DHRS12: variants seen among roughly 807,000 people sequenced by gnomAD.
The protein encoded by DHRS12 is dehydrogenase/reductase SDR family member 12.
A neutral mutation model predicts 32.1 loss-of-function variants in DHRS12; 29 were observed. The ratio of observed to expected loss-of-function variants is 0.90; its 90% confidence interval spans 0.67 to 1.23. The LOEUF (loss-of-function observed/expected upper bound fraction) is 1.23. Ranked by LOEUF, DHRS12 falls within the 50% of genes most tolerant of loss-of-function variation. The pLI, the probability that DHRS12 is intolerant of heterozygous loss-of-function variation, is 0.00. For synonymous variants in DHRS12, 150 were observed against 135.9 expected, an observed-to-expected ratio of 1.10 and a Z score of -0.72; for missense variants, 330 against 337.2, an observed-to-expected ratio of 0.98 and a Z score of 0.17.
chr13:51,797,836 C>T (rs1955577385), intron 2 of DHRS12: 7 of 1,535,354 alleles, frequency 4.6e-6, no homozygotes, highest in Non-Finnish European at 6.1e-6. Flanking sequence ...CTGGTTACCG[C>T]TCTCCCGGAT....
the DHRS12 span, chr13:51,759,922 GA>G: frequency 2.8e-6 from 2 of 725,580 alleles, no homozygotes; most frequent in South Asian, 4.1e-5. Context: ...GCACAGTGGG[GA>G]CCTGGCCAGT....
At chr13:51,769,028 A>G in intron 8 of DHRS12, 128 bp downstream of exon 8, 6 of 1,455,954 alleles carry the variant, frequency 4.1e-6, no homozygotes, top group Non-Finnish European at 5.4e-6. Context: ...CATCTCGCCA[A>G]AGAAGCCCAG....
rs1051985092 is a variant in DHRS12, at chr13:51,802,543, T to G, written c.-9+1511A>C. Among the ~76,000 whole-genome samples the G allele has an allele frequency of 2.0e-5, 3 of 152,214 alleles. No individual in the cohort carries two copies. In the East Asian group the frequency reaches 5.8e-4, roughly 29 times the overall value. The stretch of plus-strand genomic sequence containing the variant: ...AAATTTGCTTAGGACCCATCCACAC[T>G]TGCCCAGGGTTTAGGAGTCTGTTTA... On this transcript the variant is annotated intron_variant, in intron 1 of 8. Coordinates refer to ENST00000444610, the MANE Select transcript of DHRS12 (RefSeq NM_001377533.1).
At chr13:51,798,581 C>T (rs983437023) in intron 2 of DHRS12, among the ~76,000 whole-genome samples, 1 of 152,204 alleles carries the variant, frequency 6.6e-6, no homozygotes, top group Admixed American at 6.5e-5. Context: ...ACAACACTAG[C>T]CCCTCTTCTC....
At chr13:51,780,095 T>G (rs1325409293) in intron 4 of DHRS12, among the ~76,000 whole-genome samples, 1 of 152,096 alleles carries the variant, frequency 6.6e-6, no homozygotes, top group Non-Finnish European at 1.5e-5. Flanking sequence ...GAGAATCGCT[T>G]GAACCCAGGA....
intron 8 of DHRS12, chr13:51,768,787 C>T: frequency 1.7e-6 from 2 of 1,205,070 alleles, no homozygotes; most frequent in Non-Finnish European, 2.1e-6. Flanking sequence ...GAGTCCCTTA[C>T]ACCCTTTGCA....
intron 4 of DHRS12, among the ~76,000 whole-genome samples, chr13:51,779,551 C>T (rs1441236804): frequency 6.6e-6 from 1 of 152,120 alleles, no homozygotes. Flanking sequence ...TCAGTGGCAG[C>T]CATATGTGAC....
intron 4 of DHRS12, among the ~76,000 whole-genome samples, chr13:51,783,254 G>A (rs1954803007): frequency 6.6e-6 from 1 of 152,036 alleles, no homozygotes; most frequent in Non-Finnish European, 1.5e-5. Context: ...GGGTTCCTAG[G>A]AGCTCCAGAC....
the DHRS12 span, chr13:51,759,996 CA>C: frequency 2.0e-6 from 1 of 494,268 alleles, no homozygotes; most frequent in Non-Finnish European, 3.6e-6. Flanking sequence ...ATTTTTTTAA[CA>C]AATGGTTTAT....
rs974693234 is a variant in DHRS12, at chr13:51,782,593, A to G, written c.302-5472T>C. Among the ~76,000 whole-genome samples, 6 of 152,076 alleles carry G rather than the reference A, an allele frequency of 3.9e-5. No homozygotes were observed. Among genetic ancestry groups the G allele is most frequent in the African/African-American group, 1.4e-4 (6 of 41,392 alleles). On this transcript the variant is annotated intron_variant, in intron 4 of 8. Transcript: ENST00000444610. This position sits in a 1 kb window ranked among gnomAD's most constrained non-coding sequence, Gnocchi z 4.2. The stretch of plus-strand genomic sequence containing the variant: ...TGGAGTGAGCTGCAGGATGCCCGGG[A>G]CTCGGGGACCATGAGAGGCTGGTGG...
At chr13:51,790,860 T>C (rs958980710) in intron 3 of DHRS12, among the ~76,000 whole-genome samples, 1 of 152,098 alleles carries the variant, frequency 6.6e-6, no homozygotes, top group Admixed American at 6.6e-5. Context: ...AACACACCAA[T>C]CCCCAAATCT....
chr13:51,768,020 G>A lies in DHRS12; in HGVS notation c.*167C>T, dbSNP rs1286321519. On this transcript the variant is annotated 3_prime_UTR_variant, in exon 9 of 9. Transcript: ENST00000444610. ...CAAGGTGAGCCTGATCACAGCCTCG[G>A]TAGTATTTATTTTGAAATAAAAGTT... 1 of 1,427,688 alleles carries A rather than the reference G, an allele frequency of 7.0e-7. No homozygotes were observed. Among genetic ancestry groups the A allele is most frequent in the East Asian group, 2.5e-5 (1 of 39,672 alleles). The allele number at this position is 1,427,688 out of a possible 1,614,324, so 88.4% of individuals were successfully genotyped here. A position where few individuals can be genotyped will look rare whatever the true frequency, so the allele number is the denominator to read the frequency against.
rs564321183 is a variant in DHRS12, at chr13:51,769,408, T to C, written c.560-115A>G. ...AAAATGAAATGGGATCATAAACTGC[T>C]CCTTCTATTTTATAGCACTCACCCA... is the stretch of plus-strand genomic sequence containing the variant. On this transcript the variant is annotated intron_variant, in intron 7 of 8. Transcript: ENST00000444610. 18 of 907,110 alleles carry C rather than the reference T, an allele frequency of 2.0e-5. No homozygotes were observed. The African/African-American group carries it at 3.0e-4, about 15-fold the overall frequency. 56.2% of individuals were successfully genotyped at this position (907,110 alleles called of 1,614,324 possible).
chr13:51,794,886 TG>T (rs1373094542), intron 2 of DHRS12, among the ~76,000 whole-genome samples: 2 of 151,904 alleles, frequency 1.3e-5, no homozygotes, highest in Admixed American at 1.3e-4. Context: ...ACCAGAAGCC[TG>T]GGGAAAAAGG....
intron 2 of DHRS12, among the ~76,000 whole-genome samples, chr13:51,795,521 G>C (rs1955475495): frequency 6.6e-6 from 1 of 152,140 alleles, no homozygotes; most frequent in Non-Finnish European, 1.5e-5. Context: ...ACATCTAACA[G>C]ACACCTCTTT....
the DHRS12 span, among the ~76,000 whole-genome samples, chr13:51,755,701 C>T: frequency 6.6e-6 from 1 of 152,154 alleles, no homozygotes; most frequent in Non-Finnish European, 1.5e-5. Flanking sequence ...TTCTGTTGGC[C>T]TCTATTGCAG....
Position 51,769,188 on chromosome 13 carries a change from G to A in DHRS12, c.665C>T (p.Ala222Val). ...TMLWLALSSA[A>V]AAQPSGRFFQ... is the part of the protein sequence containing the mutation. ...GAAGCGGCCGCTGGGCTGTGCGGCT[G>A]CGGCAGAGGAGAGGGCCAGCCACAG... Residue 222 changes from alanine (A) to valine (V), a missense_variant, in exon 8 of 9, where the codon GCA becomes GTA. Physicochemically the swap from Ala to Val is moderately conservative, Grantham distance 64. Coordinates refer to ENST00000444610, the MANE Select transcript of DHRS12 (RefSeq NM_001377533.1). 3 of 1,557,328 alleles carry A rather than the reference G, an allele frequency of 1.9e-6. 1 individual carries two copies. The South Asian group carries it at 3.5e-5, about 18-fold the overall frequency.
intron 3 of DHRS12, 85 bp downstream of exon 3, chr13:51,791,080 G>A: frequency 1.1e-6 from 1 of 888,498 alleles, no homozygotes; most frequent in Non-Finnish European, 1.7e-6. Flanking sequence ...ATAAAGACAG[G>A]CAAACATACA....
chr13:51,771,159 G>A (rs1043962694), intron 7 of DHRS12: 54 of 1,533,972 alleles, frequency 3.5e-5, no homozygotes, highest in East Asian at 2.5e-5. Context: ...GGACAAATGC[G>A]TTAATCCGCA....
Sources: gnomAD v4.1 joint callset for allele counts (sites outside exome capture counted in the v4.1 genomes callset) on GRCh38, gnomAD v4.1.1 for gene constraint, Gnocchi (gnomAD v3.1) non-coding constraint, MANE v1.5 for transcripts, NCBI Gene and HGNC (gene_info 2026-07-23, HGNC 2026-07-21) for gene names.